PLXNA2: variants seen among roughly 807,000 people sequenced by gnomAD.
The protein encoded by PLXNA2 is plexin-A2.
PLXNA2 carries 91 observed loss-of-function variants against 193.5 expected under a neutral mutation model. That is an observed-to-expected ratio of 0.47 (90% CI 0.40 to 0.56). The LOEUF (loss-of-function observed/expected upper bound fraction) is 0.56, where lower values mean the gene tolerates loss of function less well. PLXNA2 is among the 20% of genes least tolerant of loss of function. The pLI, the probability that PLXNA2 is intolerant of heterozygous loss-of-function variation, is 0.00. For missense variants in PLXNA2, 1,995 were observed against 2,503.2 expected (o/e 0.80, Z 4.33); for synonymous variants, 997 against 1,027.3 (o/e 0.97, Z 0.56).
intron 3 of PLXNA2, among the ~76,000 whole-genome samples, chr1:208,159,462 T>TCCAGGAA (rs1329320610): frequency 6.6e-6 from 1 of 152,236 alleles, no homozygotes; most frequent in Non-Finnish European, 1.5e-5. Flanking sequence ...GGAAGACGGC[T>TCCAGGAA]GCCCCTGCTC....
Position 208,038,844 on chromosome 1 carries a change from C to A in PLXNA2, c.4641G>T (p.Arg1547Ser), listed in dbSNP as rs762442078. 1 of 1,614,048 alleles carries A rather than the reference C, an allele frequency of 6.2e-7. No homozygotes were observed. The highest frequency in any genetic ancestry group is 1.7e-5 in the Admixed American group (1 of 60,022). Reference sequence around the variant, plus strand: ...TCCTACCCAAGTCCATGTCCACTGCCCTCGGCCGCTGGGAATAGGGCACAT... The same window carrying A: ...TCCTACCCAAGTCCATGTCCACTGCACTCGGCCGCTGGGAATAGGGCACAT... ...YKNVPYSQRP[R>S]AVDMDLEWRQ... The change falls in exon 25 of 32, where the codon AGG becomes AGT. Residue 1547 changes from arginine (R) to serine (S), a missense_variant. Arg to Ser is a moderately radical substitution (Grantham distance 110, BLOSUM62 -1). Around this residue, in one of 3 missense-constraint regions of PLXNA2, gnomAD observed 1,291 missense variants for 1,673.6 expected, o/e 0.77. Transcript: ENST00000367033. The surrounding 1 kb of genome is among the most constrained non-coding windows in gnomAD (Gnocchi z 4.1).
At chr1:208,208,292 G>C (rs1024478338) in intron 3 of PLXNA2, among the ~76,000 whole-genome samples, 2 of 152,206 alleles carry the variant, frequency 1.3e-5, no homozygotes, top group Non-Finnish European at 1.5e-5. Flanking sequence ...ATCATTCTCA[G>C]TCTCCCTCCC....
chr1:208,190,211 G>T (rs541616838), intron 3 of PLXNA2, among the ~76,000 whole-genome samples: 1 of 152,246 alleles, frequency 6.6e-6, no homozygotes, highest in African/African-American at 2.4e-5. Flanking sequence ...CAAAACTCAT[G>T]CTTCTCCATC....
chr1:208,031,090 T>C (rs1436230721), intron 29 of PLXNA2: 5 of 995,468 alleles, frequency 5.0e-6, no homozygotes, highest in East Asian at 2.2e-4. Context: ...CTCAAGTCTA[T>C]AGCAGGTGTG....
At chr1:208,186,708 A>ATTTTTTTTTTTTTTTTTTTTTTTTTTTT (rs368056918) in intron 3 of PLXNA2, among the ~76,000 whole-genome samples, 1 of 111,698 alleles carries the variant, frequency 9.0e-6, no homozygotes, top group African/African-American at 3.0e-5. Context: ...TTGCAATGTT[A>ATTTTTTTTTTTTTTTTTTTTTTTTTTTT]TTTTATTTTT....
At chr1:208,122,517 T>A (rs903909631) in intron 4 of PLXNA2, among the ~76,000 whole-genome samples, 11 of 152,350 alleles carry the variant, frequency 7.2e-5, no homozygotes, top group African/African-American at 2.4e-4. Context: ...GCTATAATAA[T>A]AATTTTTAAT....
In PLXNA2 at chr1:208,028,847, G is replaced by A; in HGVS notation, c.5421C>T (p.Tyr1807=). ...CTACTGACCTCTCCACCCAGCTCTT[G>A]TAGCTGGGGATGTCCTTGGCATAGA... is the stretch of plus-strand genomic sequence containing the variant. The part of the protein sequence containing the change: ...KLLYAKDIPS[Y]KSWVERYYAD... Residue 1807 remains tyrosine, a synonymous_variant, in exon 30 of 32, where the codon TAC becomes TAT. Transcript: ENST00000367033. The surrounding 1 kb of genome is among the most constrained non-coding windows in gnomAD (Gnocchi z 4.2). 1 of 1,613,944 alleles carries A rather than the reference G, an allele frequency of 6.2e-7. No homozygotes were observed. Among genetic ancestry groups the A allele is most frequent in the Non-Finnish European group, 8.5e-7 (1 of 1,179,900 alleles).
chr1:208,163,149 G>A (rs1377917045), intron 3 of PLXNA2, among the ~76,000 whole-genome samples: 1 of 152,160 alleles, frequency 6.6e-6, no homozygotes. Flanking sequence ...TGGCAAAGCT[G>A]GAAGAACAGG....
intron 12 of PLXNA2, among the ~76,000 whole-genome samples, chr1:208,063,612 G>A (rs902170833): frequency 6.6e-6 from 1 of 152,186 alleles, no homozygotes; most frequent in Non-Finnish European, 1.5e-5. Context: ...AGTGTCTGGG[G>A]AGTGTAGGGT....
intron 9 of PLXNA2, among the ~76,000 whole-genome samples, chr1:208,086,054 C>T (rs1370826279): frequency 6.6e-6 from 1 of 152,178 alleles, no homozygotes; most frequent in South Asian, 2.1e-4. Flanking sequence ...GCAAGGCCGT[C>T]CCTGCCCCTG....
chr1:208,171,105 T>C (rs1353570004), intron 3 of PLXNA2, among the ~76,000 whole-genome samples: 2 of 152,146 alleles, frequency 1.3e-5, no homozygotes, highest in Non-Finnish European at 2.9e-5. Context: ...GGGACATAGA[T>C]TAAAGGTAAG....
At chr1:208,222,269 C>G (rs1671361918) in intron 1 of PLXNA2, among the ~76,000 whole-genome samples, 1 of 152,188 alleles carries the variant, frequency 6.6e-6, no homozygotes, top group Admixed American at 6.5e-5. Context: ...TTCTTTCTGT[C>G]ACATCCCTCT....
chr1:208,059,821 C>T (rs143939467), intron 13 of PLXNA2, among the ~76,000 whole-genome samples: 70 of 152,208 alleles, frequency 4.6e-4, no homozygotes, highest in Non-Finnish European at 9.1e-4. Flanking sequence ...GAAGATAAAG[C>T]GATGTCATTT....
intron 5 of PLXNA2, among the ~76,000 whole-genome samples, chr1:208,100,281 A>G (rs1667053469): frequency 1.3e-5 from 2 of 151,948 alleles, no homozygotes; most frequent in Admixed American, 1.3e-4. Context: ...AGTTGGTTAG[A>G]TTACTTGAGC....
At chr1:208,158,728 C>T (rs1167455585) in intron 3 of PLXNA2, among the ~76,000 whole-genome samples, 1 of 152,232 alleles carries the variant, frequency 6.6e-6, no homozygotes, top group Non-Finnish European at 1.5e-5. Context: ...TAGGCAAACA[C>T]TATGCAGGAA....
Position 208,221,381 on chromosome 1 carries a change from G to GTTTTTTTTTTTTTT in PLXNA2, c.-80-3393_-80-3380dup, listed in dbSNP as rs33915614. Among the ~76,000 whole-genome samples the GTTTTTTTTTTTTTT allele has an allele frequency of 5.2e-5, 3 of 58,080 alleles. 1 individual carries two copies. Among genetic ancestry groups the GTTTTTTTTTTTTTT allele is most frequent in the East Asian group, 6.2e-4 (1 of 1,608 alleles). The allele number at this position is 58,080 out of a possible 152,430, so 38.1% of individuals were successfully genotyped here. ...AGGTCAGGAGCTTTTTTCTTTTTCT[G>GTTTTTTTTTTTTTT]TTTTTTTTTTTTTTTTTTTTTTTTT... On this transcript the variant is annotated intron_variant, in intron 1 of 31. Transcript: ENST00000367033.
chr1:208,160,966 G>T (rs113979950), intron 3 of PLXNA2, among the ~76,000 whole-genome samples: 1,753 of 152,334 alleles, frequency 0.012, 21 homozygotes, highest in Non-Finnish European at 0.016. Context: ...TCCTGCCTCA[G>T]TTTCCCCTTT....
intron 9 of PLXNA2, among the ~76,000 whole-genome samples, chr1:208,086,022 A>G (rs1666507417): frequency 6.6e-6 from 1 of 151,976 alleles, no homozygotes; most frequent in South Asian, 2.1e-4. Context: ...TCAGCCTTCA[A>G]ACTCAGCCCA....
At chr1:208,149,585 T>TTG (rs550329642) in intron 3 of PLXNA2, among the ~76,000 whole-genome samples, 66 of 150,752 alleles carry the variant, frequency 4.4e-4, no homozygotes, top group South Asian at 1.3e-3. Context: ...TGTGTGTATA[T>TTG]TGTGTGTGTG....
Sources: gnomAD v4.1 joint callset for allele counts (sites outside exome capture counted in the v4.1 genomes callset) on GRCh38, gnomAD v4.1.1 for gene constraint, gnomAD v4.1.1 regional missense constraint, Gnocchi (gnomAD v3.1) non-coding constraint, MANE v1.5 for transcripts, NCBI Gene and HGNC (gene_info 2026-07-23, HGNC 2026-07-21) for gene names.